CDH18: variants seen among roughly 807,000 people sequenced by gnomAD.
The protein encoded by CDH18 is cadherin-18.
CDH18 carries 31 observed loss-of-function variants against 67.9 expected under a neutral mutation model. That is an observed-to-expected ratio of 0.46 (90% CI 0.34 to 0.62). The LOEUF (loss-of-function observed/expected upper bound fraction) is 0.62. Among genes scored for constraint, CDH18 ranks in the 20% least tolerant of loss-of-function variants. The pLI, the probability that CDH18 is intolerant of heterozygous loss-of-function variation, is 0.01. For missense variants in CDH18, 890 were observed against 975.5 expected (o/e 0.91, Z 1.17); for synonymous variants, 362 against 347.2 (o/e 1.04, Z -0.48).
intron 1 of CDH18, among the ~76,000 whole-genome samples, chr5:20,491,685 C>A (rs954413898): frequency 2.0e-5 from 3 of 152,194 alleles, no homozygotes; most frequent in African/African-American, 7.2e-5. Context: ...AGGCCCTCAA[C>A]TGATTGGATG....
At chr5:19,600,097 A>C (rs1746846919) in intron 6 of CDH18, among the ~76,000 whole-genome samples, 1 of 151,704 alleles carries the variant, frequency 6.6e-6, no homozygotes, top group Non-Finnish European at 1.5e-5. Flanking sequence ...AAACTATTGC[A>C]AGGACAGAAA....
At chr5:20,505,915 G>T (rs909986782) in intron 1 of CDH18, among the ~76,000 whole-genome samples, 1 of 152,250 alleles carries the variant, frequency 6.6e-6, no homozygotes, top group South Asian at 2.1e-4. Context: ...ACTCCATGTG[G>T]CCCATCAGTT....
At chr5:19,794,512 G>A (rs1460227194) in intron 3 of CDH18, among the ~76,000 whole-genome samples, 2 of 151,884 alleles carry the variant, frequency 1.3e-5, no homozygotes, top group African/African-American at 4.8e-5. Flanking sequence ...GGATTTCTTG[G>A]CCTCCATTAA....
intron 2 of CDH18, among the ~76,000 whole-genome samples, chr5:20,095,435 G>GA (rs1745864176): frequency 4.2e-5 from 5 of 118,382 alleles, no homozygotes; most frequent in African/African-American, 1.3e-4. Flanking sequence ...AAGAAAGAAA[G>GA]AAAGAAAGAA....
At chr5:20,038,552 A>G (rs1740104129) in intron 2 of CDH18, among the ~76,000 whole-genome samples, 1 of 152,208 alleles carries the variant, frequency 6.6e-6, no homozygotes, top group Non-Finnish European at 1.5e-5. Flanking sequence ...ATGCAAATCA[A>G]CAAATGTAAT....
intron 1 of CDH18, among the ~76,000 whole-genome samples, chr5:20,412,094 T>C (rs933577750): frequency 6.6e-6 from 1 of 151,978 alleles, no homozygotes; most frequent in Non-Finnish European, 1.5e-5. Flanking sequence ...TAAGCAAAAA[T>C]AGCAAAGCTG....
intron 1 of CDH18, among the ~76,000 whole-genome samples, chr5:20,379,631 A>C (rs1743751375): frequency 6.6e-6 from 1 of 152,164 alleles, no homozygotes; most frequent in Admixed American, 6.6e-5. Flanking sequence ...GACATATATA[A>C]GTATATATTT....
intron 2 of CDH18, among the ~76,000 whole-genome samples, chr5:20,095,791 T>C (rs1361778822): frequency 1.3e-5 from 2 of 149,778 alleles, no homozygotes; most frequent in Non-Finnish European, 3.0e-5. Context: ...ATTCAAAAAC[T>C]GTTAACAAGA....
intron 2 of CDH18, among the ~76,000 whole-genome samples, chr5:20,082,473 G>A (rs1446254408): frequency 6.6e-6 from 1 of 152,120 alleles, no homozygotes; most frequent in Non-Finnish European, 1.5e-5. Flanking sequence ...AAGCCTAGTG[G>A]TCTATGTAAC....
chr5:19,977,027 T>G (rs11948700), intron 2 of CDH18, among the ~76,000 whole-genome samples: 138,513 of 152,172 alleles, frequency 0.91, 63,259 homozygotes, highest in South Asian at 0.98. Context: ...GATAAACAAA[T>G]TATTAATTTG....
chr5:20,548,060 AC>A (rs1757436163), intron 1 of CDH18, among the ~76,000 whole-genome samples: 1 of 149,910 alleles, frequency 6.7e-6, no homozygotes, highest in Admixed American at 6.7e-5. Flanking sequence ...CTAAAAAAAA[AC>A]AAAATATGTT....
At position 19,619,145 on chromosome 5, in the gene CDH18, C is replaced by T. The variant is rs573003123; in HGVS notation, c.644-6544G>A. Reference sequence around the variant, plus strand: ...AAAACAAAAATAATCAGACATTTAACGGATGCATATCCATCAGCAGCATAA... The same window carrying T: ...AAAACAAAAATAATCAGACATTTAATGGATGCATATCCATCAGCAGCATAA... On this transcript the variant is annotated intron_variant, in intron 5 of 12. Transcript: ENST00000382275. Among the ~76,000 whole-genome samples, 8 of 152,240 alleles carry T rather than the reference C, an allele frequency of 5.3e-5. No individual in the cohort carries two copies. The South Asian group carries it at 1.5e-3, about 28-fold the overall frequency.
intron 1 of CDH18, among the ~76,000 whole-genome samples, chr5:20,479,805 A>G (rs971343776): frequency 2.6e-5 from 4 of 152,184 alleles, no homozygotes; most frequent in African/African-American, 9.6e-5. Flanking sequence ...CAGAGCACCA[A>G]GTATATTTAA....
intron 2 of CDH18, among the ~76,000 whole-genome samples, chr5:20,207,971 A>G (rs1434018846): frequency 6.6e-6 from 1 of 152,060 alleles, no homozygotes; most frequent in African/African-American, 2.4e-5. Context: ...AACAAACATA[A>G]ACACCAACTG....
intron 1 of CDH18, among the ~76,000 whole-genome samples, chr5:20,290,710 A>G (rs551259907): frequency 1.3e-5 from 2 of 152,324 alleles, no homozygotes; most frequent in Admixed American, 1.3e-4. Flanking sequence ...GTTCAAAGCC[A>G]TGACAGCATG....
intron 1 of CDH18, among the ~76,000 whole-genome samples, chr5:20,503,918 G>C (rs1203193689): frequency 6.6e-6 from 1 of 151,858 alleles, no homozygotes; most frequent in African/African-American, 2.4e-5. Context: ...GGCGCCTGTA[G>C]TCCCAGCTAC....
chr5:19,827,720 T>C lies in CDH18; in HGVS notation c.228+11039A>G, dbSNP rs73761836. On this transcript the variant is annotated intron_variant, in intron 3 of 12. Coordinates refer to ENST00000382275, the MANE Select transcript of CDH18 (RefSeq NM_004934.5). The stretch of plus-strand genomic sequence containing the variant: ...AAAAAAGATACACCATACTAGAATA[T>C]CTGGGATACATCTAAAGCAGTATTA... Among the ~76,000 whole-genome samples, 469 of 152,212 alleles carry C rather than the reference T, an allele frequency of 3.1e-3. 3 individuals are homozygous for C. The highest frequency in any genetic ancestry group is 0.01 in the African/African-American group (426 of 41,538).
chr5:20,172,201 T>TATAC (rs1554098687), intron 2 of CDH18, among the ~76,000 whole-genome samples: 3 of 54,986 alleles, frequency 5.5e-5, no homozygotes, highest in South Asian at 1.2e-3. Context: ...TATATATATA[T>TATAC]ATATATATAT....
At chr5:20,097,619 T>C (rs1424981176) in intron 2 of CDH18, among the ~76,000 whole-genome samples, 1 of 152,132 alleles carries the variant, frequency 6.6e-6, no homozygotes, top group African/African-American at 2.4e-5. Context: ...TTGTATTATA[T>C]TCGGTTATTT....
Sources: allele counts gnomAD v4.1 joint callset (sites outside exome capture counted in the v4.1 genomes callset), GRCh38; gene constraint gnomAD v4.1.1; transcripts MANE v1.5; gene names NCBI Gene and HGNC (gene_info 2026-07-23, HGNC 2026-07-21).